The following KCNMA1 variants were observed in gnomAD, a reference collection of about 807,000 sequenced individuals.
KCNMA1 encodes the protein potassium calcium-activated channel subfamily M alpha 1, also known as Calcium-activated potassium channel subunit alpha-1.
Under a neutral mutation model 140.0 loss-of-function variants are expected in KCNMA1, and 29 were observed. The ratio of observed to expected loss-of-function variants is 0.21; its 90% CI spans 0.15 to 0.28. The LOEUF is 0.28. Among genes scored for constraint, KCNMA1 ranks in the 10% least tolerant of loss-of-function variants. The probability of loss-of-function intolerance (pLI) is 1.00; values close to 1 mark genes in which losing one functional copy is unlikely to be tolerated. For synonymous variants in KCNMA1, 612 were observed against 611.9 expected (o/e 1.00, Z 0.00); for missense variants, 880 against 1,602.2 (o/e 0.55, Z 7.70).
chr10:76,969,425 G>A (rs1442423385), intron 20 of KCNMA1, among the ~76,000 whole-genome samples: 1 of 152,130 alleles, frequency 6.6e-6, no homozygotes, highest in East Asian at 1.9e-4. Flanking sequence ...ACTTTGCTTT[G>A]GCAAGTCCAC....
At chr10:77,546,827 T>C (rs1339047290) in intron 1 of KCNMA1, among the ~76,000 whole-genome samples, 1 of 151,962 alleles carries the variant, frequency 6.6e-6, no homozygotes, top group Non-Finnish European at 1.5e-5. Flanking sequence ...GCAACTGGAG[T>C]TCTGTTTTCC....
At chr10:77,596,273 C>A (rs535549475) in intron 1 of KCNMA1, among the ~76,000 whole-genome samples, 2 of 152,330 alleles carry the variant, frequency 1.3e-5, no homozygotes, top group African/African-American at 4.8e-5. Context: ...AGATCAATTT[C>A]ATAATATCTA....
rs2094525704 is a variant in KCNMA1, at chr10:77,039,455, T to G, written c.1859+73A>C. ...GTGCTCCAACTGTACCCAGCAGAGG[T>G]GGGAGGCTTCCTTGCAAGGGGCACA... On this transcript the variant is annotated intron_variant, in intron 15 of 27. Transcript: ENST00000286628. The G allele has an allele frequency of 3.4e-6, 3 of 873,114 alleles. No individual in the cohort carries two copies. In the South Asian group the frequency reaches 4.0e-5, roughly 12 times the overall value. 54.1% of individuals were successfully genotyped at this position (873,114 alleles called of 1,614,324 possible). A position where few individuals can be genotyped will look rare whatever the true frequency, so the allele number is the denominator to read the frequency against.
intron 14 of KCNMA1, among the ~76,000 whole-genome samples, chr10:77,054,864 C>T (rs1468391983): frequency 1.3e-5 from 2 of 152,090 alleles, no homozygotes; most frequent in Non-Finnish European, 2.9e-5. Flanking sequence ...GAAGTTGAAA[C>T]GGCCACCTCA....
intron 2 of KCNMA1, among the ~76,000 whole-genome samples, chr10:77,327,827 T>A (rs2084781188): frequency 1.3e-5 from 2 of 152,194 alleles, no homozygotes; most frequent in African/African-American, 4.8e-5. Context: ...CTTCTCTATG[T>A]ATAGTCTGTG....
intron 5 of KCNMA1, among the ~76,000 whole-genome samples, chr10:77,152,464 A>G (rs1346438146): frequency 6.6e-6 from 1 of 152,098 alleles, no homozygotes. Context: ...GGAGATGGGA[A>G]AGCATCCATA....
chr10:77,514,926 C>A (rs1445672992), intron 1 of KCNMA1, among the ~76,000 whole-genome samples: 5 of 151,828 alleles, frequency 3.3e-5, no homozygotes, highest in Non-Finnish European at 7.4e-5. Flanking sequence ...TCCAGTAATA[C>A]AGCCTAGGGC....
chr10:77,470,038 C>A (rs577468705), intron 1 of KCNMA1, among the ~76,000 whole-genome samples: 2 of 152,188 alleles, frequency 1.3e-5, no homozygotes, highest in African/African-American at 4.8e-5. Flanking sequence ...CTTCTGTCAG[C>A]AGTGGTGAGA....
At chr10:77,512,859 G>C (rs1431606964) in intron 1 of KCNMA1, among the ~76,000 whole-genome samples, 1 of 152,124 alleles carries the variant, frequency 6.6e-6, no homozygotes, top group Non-Finnish European at 1.5e-5. Context: ...TCCGACTTGA[G>C]CCTTAAGTCC....
chr10:77,029,923 G>T (rs2093792401), intron 15 of KCNMA1, among the ~76,000 whole-genome samples: 1 of 152,208 alleles, frequency 6.6e-6, no homozygotes, highest in African/African-American at 2.4e-5. Context: ...CCAGAGCAAG[G>T]AGTCTACAGC....
chr10:77,008,760 C>A (rs1156993503), intron 18 of KCNMA1, among the ~76,000 whole-genome samples: 1 of 152,186 alleles, frequency 6.6e-6, no homozygotes, highest in African/African-American at 2.4e-5. Context: ...TTATTAATAC[C>A]TGGACTAACA....
chr10:76,903,615 A>C (rs1049378748), intron 25 of KCNMA1: 5 of 152,212 alleles, frequency 3.3e-5, no homozygotes, highest in African/African-American at 9.7e-5. Flanking sequence ...TCTCCGTGTG[A>C]GCAGTTGAAA....
chr10:76,916,491 A>C (rs1320629767), intron 23 of KCNMA1, among the ~76,000 whole-genome samples: 1 of 152,212 alleles, frequency 6.6e-6, no homozygotes, highest in Non-Finnish European at 1.5e-5. Flanking sequence ...TTTTCTAACG[A>C]AGCATACGGC....
intron 1 of KCNMA1, among the ~76,000 whole-genome samples, chr10:77,578,244 CAGA>C (rs1215090569): frequency 9.9e-5 from 15 of 152,220 alleles, no homozygotes; most frequent in South Asian, 4.1e-4. Context: ...CCAATTAAAT[CAGA>C]AGAAGATGAG....
intron 3 of KCNMA1, among the ~76,000 whole-genome samples, chr10:77,230,995 C>T (rs1410526978): frequency 6.6e-6 from 1 of 152,174 alleles, no homozygotes; most frequent in Non-Finnish European, 1.5e-5. Context: ...CGAAGCCACA[C>T]TGTCTCTAGA....
intron 5 of KCNMA1, among the ~76,000 whole-genome samples, chr10:77,155,333 T>C (rs1166310167): frequency 6.6e-6 from 1 of 152,250 alleles, no homozygotes; most frequent in Non-Finnish European, 1.5e-5. Context: ...GTGAGTCAGA[T>C]ACCTCTGTAA....
chr10:77,014,080 T>C (rs1420002143), intron 17 of KCNMA1, among the ~76,000 whole-genome samples: 1 of 152,184 alleles, frequency 6.6e-6, no homozygotes, highest in Admixed American at 6.5e-5. Flanking sequence ...AATTAACATA[T>C]ACATTATACA....
At chr10:77,477,010 A>C (rs2154530316) in intron 1 of KCNMA1, among the ~76,000 whole-genome samples, 1 of 152,334 alleles carries the variant, frequency 6.6e-6, no homozygotes, top group East Asian at 1.9e-4. Flanking sequence ...AGAAAAACAA[A>C]AACGAAAACC....
chr10:77,424,396 C>A (rs995895277), intron 1 of KCNMA1, among the ~76,000 whole-genome samples: 3 of 152,334 alleles, frequency 2.0e-5, no homozygotes, highest in African/African-American at 7.2e-5. Context: ...GTCAAGGCAC[C>A]TGCCCACAGT....
Sources: allele counts gnomAD v4.1 joint callset (sites outside exome capture counted in the v4.1 genomes callset), GRCh38; gene constraint gnomAD v4.1.1; transcripts MANE v1.5; gene names NCBI Gene and HGNC (gene_info 2026-07-23, HGNC 2026-07-21).